UROC1: variants seen among roughly 807,000 people sequenced by gnomAD.
UROC1 encodes the protein urocanate hydratase.
Under a neutral mutation model 89.5 loss-of-function variants are expected in UROC1, and 79 were observed. The observed-to-expected ratio is 0.88, with a 90% CI of 0.74 to 1.06. The LOEUF (loss-of-function observed/expected upper bound fraction) is 1.06, where lower values mean the gene tolerates loss of function less well. UROC1 is among the 50% of genes least tolerant of loss of function. UROC1 has a pLI of 0.00. For missense variants in UROC1, 885 were observed against 907.8 expected, an observed-to-expected ratio of 0.97 and a Z score of 0.32; for synonymous variants, 361 against 354.8, an observed-to-expected ratio of 1.02 and a Z score of -0.20.
At chr3:126,492,307 C>A in intron 16 of UROC1, 111 bp downstream of exon 16, 2 of 1,070,482 alleles carry the variant, frequency 1.9e-6, no homozygotes, top group South Asian at 1.3e-5. Flanking sequence ...GGGTGTCTCC[C>A]CACCCAGAAG....
chr3:126,487,441 C>T (rs1259717093), intron 18 of UROC1, among the ~76,000 whole-genome samples: 2 of 152,244 alleles, frequency 1.3e-5, no homozygotes, highest in Non-Finnish European at 2.9e-5. Flanking sequence ...TGCCGCAGTG[C>T]GGAACTGCAG....
chr3:126,488,170 C>G (rs1164351872), intron 18 of UROC1, 28 bp downstream of exon 18: 1 of 1,613,882 alleles, frequency 6.2e-7, no homozygotes, highest in East Asian at 2.2e-5. Context: ...CACATCAGCC[C>G]ACACCCTGTC....
At chr3:126,492,287 G>A (rs974455993) in intron 16 of UROC1, 131 bp downstream of exon 16, 8 of 865,656 alleles carry the variant, frequency 9.2e-6, no homozygotes, top group Non-Finnish European at 1.5e-5. Flanking sequence ...GGGCTGCTGA[G>A]GCCCAACGGG....
intron 19 of UROC1, 22 bp from the exon 20 acceptor site, chr3:126,482,507 C>G: frequency 6.2e-7 from 1 of 1,613,720 alleles, no homozygotes; most frequent in East Asian, 2.2e-5. Flanking sequence ...AGGGGGATAG[C>G]AGTCCATGTC....
Position 126,508,054 on chromosome 3 carries a change from C to T in UROC1, c.453G>A (p.Glu151=), listed in dbSNP as rs760394619. Residue 151 remains glutamate (E), a synonymous_variant, in exon 5 of 20, where the codon GAG becomes GAA. Coordinates refer to ENST00000290868, the MANE Select transcript of UROC1 (RefSeq NM_144639.3). ...TMFYLSKMTE[E]QTLVMYSGHP... ...GCCCACTGTACATGACCAAAGTCTG[C>T]TCCTCTGTCATCTTCGACAAGTAGA... 1.9e-6 allele frequency: 3 copies of T among 1,614,024 alleles called. No individual in the cohort carries two copies. Among genetic ancestry groups the T allele is most frequent in the Admixed American group, 1.7e-5 (1 of 60,022 alleles).
intron 18 of UROC1, 92 bp from the exon 19 acceptor site, chr3:126,483,560 G>A: frequency 7.9e-7 from 1 of 1,262,744 alleles, no homozygotes; most frequent in East Asian, 2.5e-5. Flanking sequence ...ATTGGCTTGA[G>A]ACGGCGTCAG....
intron 1 of UROC1, among the ~76,000 whole-genome samples, chr3:126,514,220 C>T (rs530576048): frequency 6.6e-6 from 1 of 152,380 alleles, no homozygotes; most frequent in Non-Finnish European, 1.5e-5. Flanking sequence ...CTGTGGAGCT[C>T]TGCCCCTCAA....
At chr3:126,506,442 G>A (rs1394815390) in intron 6 of UROC1, among the ~76,000 whole-genome samples, 18 of 152,278 alleles carry the variant, frequency 1.2e-4, no homozygotes, top group South Asian at 6.2e-4. Flanking sequence ...AGTGAGTGGC[G>A]GAAACACCAC....
intron 5 of UROC1, 27 bp downstream of exon 5, chr3:126,507,940 G>T (rs769609680): frequency 6.2e-7 from 1 of 1,613,638 alleles, no homozygotes; most frequent in Non-Finnish European, 8.5e-7. Context: ...CCCTGGGCAG[G>T]TGCTGTGCCA....
intron 14 of UROC1, among the ~76,000 whole-genome samples, chr3:126,496,720 G>A (rs73194033): frequency 6.6e-6 from 1 of 152,348 alleles, no homozygotes; most frequent in Non-Finnish European, 1.5e-5. Context: ...AATTGTGGGA[G>A]CCAGTGGTTA....
At chr3:126,507,355 T>TAA (rs10709518) in intron 6 of UROC1, among the ~76,000 whole-genome samples, 35 of 141,124 alleles carry the variant, frequency 2.5e-4, no homozygotes, top group Admixed American at 7.7e-4. Context: ...GTGAGATGCA[T>TAA]AAAAAAAAAA....
intron 14 of UROC1, among the ~76,000 whole-genome samples, chr3:126,497,797 AGGCTT>A (rs71797104): frequency 0.26 from 38,790 of 152,092 alleles, 5,363 homozygotes; most frequent in Non-Finnish European, 0.31. Flanking sequence ...TGGAGGGCAG[AGGCTT>A]GGTGTGGGTG....
At chr3:126,488,826 C>T (rs1935577096) in intron 17 of UROC1, among the ~76,000 whole-genome samples, 1 of 152,202 alleles carries the variant, frequency 6.6e-6, no homozygotes, top group Non-Finnish European at 1.5e-5. Context: ...GACCGTGAGC[C>T]CCTGGGTAGA....
Position 126,488,112 on chromosome 3 carries a change from T to A in UROC1, c.1790+86A>T, listed in dbSNP as rs1347884832. 3 of 1,459,290 alleles carry A rather than the reference T, an allele frequency of 2.1e-6. No homozygotes were observed. In the East Asian group the frequency reaches 6.8e-5, roughly 33 times the overall value. 90.4% of individuals were successfully genotyped at this position (1,459,290 alleles called of 1,614,324 possible). On this transcript the variant is annotated intron_variant, in intron 18 of 19. Transcript: ENST00000290868. Reference sequence around the variant, plus strand: ...TGACCAGGGAGGTAGGGCCCAGGACTTCAGGAACCTCAGCCTGGCCCTGCC... The same window carrying A: ...TGACCAGGGAGGTAGGGCCCAGGACATCAGGAACCTCAGCCTGGCCCTGCC...
In UROC1 at chr3:126,482,258, G is replaced by T; in HGVS notation, c.*87C>A. ...GATGTGCGAGAAGTGCAGGTAGTGC[G>T]GGTGTGCAGGAAGGGTGTGTGCCAT... On this transcript the variant is annotated 3_prime_UTR_variant, in exon 20 of 20. Coordinates refer to ENST00000290868, the MANE Select transcript of UROC1 (RefSeq NM_144639.3). 1 of 1,570,496 alleles carries T rather than the reference G, an allele frequency of 6.4e-7. No individual in the cohort carries two copies. Among genetic ancestry groups the T allele is most frequent in the Non-Finnish European group, 8.7e-7 (1 of 1,149,686 alleles).
At chr3:126,497,387 A>T (rs1935802312) in intron 14 of UROC1, among the ~76,000 whole-genome samples, 1 of 152,240 alleles carries the variant, frequency 6.6e-6, no homozygotes, top group African/African-American at 2.4e-5. Context: ...AGGTTGGTTA[A>T]AACCCAGGCA....
chr3:126,492,524 G>A lies in UROC1; in HGVS notation c.1510-8C>T, dbSNP rs56681725. 4.2e-3 allele frequency: 6,782 copies of A among 1,609,196 alleles called. 212 individuals carry two copies. In the African/African-American group the frequency reaches 0.075, roughly 18 times the overall value. On this transcript the variant is annotated splice_polypyrimidine_tract_variant and splice_region_variant and intron_variant, in intron 15 of 19. Coordinates refer to ENST00000290868, the MANE Select transcript of UROC1 (RefSeq NM_144639.3). ...TGCCTGGGAGCCCACCACCTGAGGA[G>A]AGAAGGGCAACTGGCATCTCAGCCA...
At chr3:126,511,382 A>T (rs1936193376) in intron 1 of UROC1, among the ~76,000 whole-genome samples, 2 of 152,006 alleles carry the variant, frequency 1.3e-5, no homozygotes, top group Non-Finnish European at 1.5e-5. Flanking sequence ...CTTTCATTTC[A>T]CTTTCAAGTC....
chr3:126,484,443 C>G (rs1032735573), intron 18 of UROC1, among the ~76,000 whole-genome samples: 11 of 152,242 alleles, frequency 7.2e-5, no homozygotes, highest in African/African-American at 2.2e-4. Flanking sequence ...GCAAATGTGT[C>G]CCTCCTGCCT....
Sources: allele counts gnomAD v4.1 joint callset (sites outside exome capture counted in the v4.1 genomes callset), GRCh38; gene constraint gnomAD v4.1.1; transcripts MANE v1.5; gene names NCBI Gene and HGNC (gene_info 2026-07-23, HGNC 2026-07-21).